The following CD8B2 variants were observed in gnomAD, a reference collection of about 807,000 sequenced individuals.
CD8B2 encodes the protein T-cell surface glycoprotein CD8 beta-2 chain.
CD8B2 carries 11 observed loss-of-function variants against 23.7 expected under a neutral mutation model. The observed-to-expected ratio is 0.46, with a 90% CI of 0.29 to 0.77. The LOEUF is 0.77. Among genes scored for constraint, CD8B2 ranks in the 30% least tolerant of loss-of-function variants. The pLI is 0.09. For synonymous variants in CD8B2, 90 were observed against 109.3 expected (o/e 0.82, Z 1.10); for missense variants, 197 against 270.5 (o/e 0.73, Z 1.91).
In CD8B2 at chr2:106,510,189, C is replaced by G. The variant is rs1679595974; in HGVS notation, c.*3249C>G. ...ATATATGTTGTTAGAAGTTAGGATACAGTTACCCTTGGTCCAGTGATGGTC... is the reference window on the plus strand; with the variant it reads ...ATATATGTTGTTAGAAGTTAGGATAGAGTTACCCTTGGTCCAGTGATGGTC... On this transcript the variant is annotated 3_prime_UTR_variant, in exon 6 of 6. Coordinates refer to ENST00000643224, the MANE Select transcript of CD8B2 (RefSeq NM_001349727.2). The G allele has an allele frequency of 6.6e-6, 1 of 152,142 alleles. No individual in the cohort carries two copies. The highest frequency in any genetic ancestry group is 2.1e-4 in the South Asian group (1 of 4,830). The allele number at this position is 152,142 out of a possible 1,614,324, so 9.4% of individuals were successfully genotyped here.
At chr2:106,528,166 A>G (rs1227823655) in intron 5 of CD8B2, among the ~76,000 whole-genome samples, 3 of 152,208 alleles carry the variant, frequency 2.0e-5, no homozygotes, top group Non-Finnish European at 4.4e-5. Context: ...AGCCTTGTGT[A>G]TATTGACTTT....
chr2:106,542,840 C>T (rs1680197769), intron 5 of CD8B2, among the ~76,000 whole-genome samples: 1 of 151,762 alleles, frequency 6.6e-6, no homozygotes, highest in Admixed American at 6.6e-5. Flanking sequence ...AATACATGTG[C>T]GCCCATCATC....
In CD8B2 at chr2:106,519,971, C is replaced by T. The variant is rs539422722; in HGVS notation, c.620+15646C>T. On this transcript the variant is annotated intron_variant, in intron 5 of 5. Transcript: ENST00000416057. ...GCAGGCTTATCAGCAAGTTAGCCAG[C>T]GGGGACATCCATCACCTCAGGAAAG... Among the ~76,000 whole-genome samples, 6 of 152,222 alleles carry T rather than the reference C, an allele frequency of 3.9e-5. No homozygotes were observed. In the South Asian group the frequency reaches 6.2e-4, roughly 16 times the overall value.
intron 5 of CD8B2, among the ~76,000 whole-genome samples, chr2:106,517,947 C>G (rs893289278): frequency 6.6e-6 from 1 of 152,136 alleles, no homozygotes; most frequent in Non-Finnish European, 1.5e-5. Context: ...ATCTCCTGAC[C>G]TCGTGATCCG....
chr2:106,514,752 T>TTGTGTG (rs10692298), downstream of CD8B2, among the ~76,000 whole-genome samples: 142 of 145,498 alleles, frequency 9.8e-4, 1 homozygote, highest in East Asian at 0.015. Context: ...GTTAAGACTT[T>TTGTGTG]TGTGTGTGTG....
intron 5 of CD8B2, chr2:106,543,220 T>C (rs1223605949): frequency 1.3e-5 from 2 of 152,174 alleles, no homozygotes; most frequent in African/African-American, 4.8e-5. Context: ...GAGGCTTAGG[T>C]ATTTTCAAAT....
chr2:106,540,785 G>A (rs998847938), intron 5 of CD8B2, among the ~76,000 whole-genome samples: 3 of 152,018 alleles, frequency 2.0e-5, no homozygotes, highest in East Asian at 3.9e-4. Context: ...GGCTGGTATC[G>A]AACTCCTGAC....
At chr2:106,506,597 C>T (rs62154006) in intron 5 of CD8B2, among the ~76,000 whole-genome samples, 91,616 of 149,338 alleles carry the variant, frequency 0.61, 29,204 homozygotes, top group East Asian at 0.99. Flanking sequence ...TCTAACTGTC[C>T]TTAGAAAATC....
intron 5 of CD8B2, among the ~76,000 whole-genome samples, chr2:106,523,125 C>T (rs2104569473): frequency 6.6e-6 from 1 of 152,308 alleles, no homozygotes; most frequent in South Asian, 2.1e-4. Flanking sequence ...TGGCAGTCTG[C>T]TGATCCTACC....
At chr2:106,527,081 A>T (rs1679917816) in intron 5 of CD8B2, among the ~76,000 whole-genome samples, 1 of 152,158 alleles carries the variant, frequency 6.6e-6, no homozygotes, top group African/African-American at 2.4e-5. Flanking sequence ...TTGCTCTTGG[A>T]TATATACCTA....
intron 5 of CD8B2, among the ~76,000 whole-genome samples, chr2:106,540,549 C>A (rs375770317): frequency 1.8e-4 from 27 of 152,060 alleles, no homozygotes; most frequent in African/African-American, 6.3e-4. Flanking sequence ...GTAAATCAAG[C>A]AAATAATCAT....
chr2:106,534,713 G>A (rs1026756713), intron 5 of CD8B2, among the ~76,000 whole-genome samples: 17 of 152,192 alleles, frequency 1.1e-4, no homozygotes, highest in Non-Finnish European at 2.2e-4. Context: ...ATTGTCGCAG[G>A]GGTCTAGTGT....
intron 5 of CD8B2, 120 bp from the exon 6 acceptor site, chr2:106,506,808 T>C: frequency 7.2e-7 from 1 of 1,387,644 alleles, no homozygotes; most frequent in South Asian, 1.4e-5. Flanking sequence ...CAAAAAACTC[T>C]CGGCCCCAGG....
At chr2:106,517,853 C>T (rs1679754877) in intron 5 of CD8B2, among the ~76,000 whole-genome samples, 1 of 151,912 alleles carries the variant, frequency 6.6e-6, no homozygotes, top group African/African-American at 2.4e-5. Context: ...GCTGGGACTA[C>T]AGGCGCCCGC....
chr2:106,495,260 G>A (rs538440611), intron 2 of CD8B2, among the ~76,000 whole-genome samples: 2 of 150,880 alleles, frequency 1.3e-5, no homozygotes, highest in South Asian at 2.1e-4. Flanking sequence ...GGCCGGGTGC[G>A]GTGGCTCGTA....
intron 5 of CD8B2, among the ~76,000 whole-genome samples, chr2:106,540,278 T>C (rs186816100): frequency 1.1e-4 from 17 of 152,330 alleles, no homozygotes; most frequent in South Asian, 6.2e-4. Flanking sequence ...AAACTCAGCC[T>C]TTGTGAGAAA....
At chr2:106,518,794 C>A (rs1679775194) in intron 5 of CD8B2, among the ~76,000 whole-genome samples, 1 of 151,864 alleles carries the variant, frequency 6.6e-6, no homozygotes, top group Non-Finnish European at 1.5e-5. Flanking sequence ...TTGCTCTATC[C>A]ATTTTCCTTC....
chr2:106,517,303 C>T (rs1426125561), intron 5 of CD8B2, among the ~76,000 whole-genome samples: 2 of 152,008 alleles, frequency 1.3e-5, no homozygotes, highest in Non-Finnish European at 2.9e-5. Context: ...CCTCTCTATT[C>T]GGGACCCCAT....
downstream of CD8B2, among the ~76,000 whole-genome samples, chr2:106,515,060 C>T (rs1350825807): frequency 6.6e-6 from 1 of 152,222 alleles, no homozygotes; most frequent in African/African-American, 2.4e-5. Flanking sequence ...AGTCCACTGA[C>T]TCAGATGTTA....
Sources: gnomAD v4.1 joint callset for allele counts (sites outside exome capture counted in the v4.1 genomes callset) on GRCh38, gnomAD v4.1.1 for gene constraint, MANE v1.5 for transcripts, NCBI Gene and HGNC (gene_info 2026-07-23, HGNC 2026-07-21) for gene names.